The following GRIP1 variants were observed in gnomAD, a reference collection of about 807,000 sequenced individuals.
GRIP1 encodes the protein glutamate receptor interacting protein 1.
In GRIP1, 45 loss-of-function variants were observed where a neutral mutation model predicts 129.9. The observed-to-expected ratio is 0.35, with a 90% CI of 0.27 to 0.44. The LOEUF is 0.44. GRIP1 is among the 20% of genes least tolerant of loss of function. The probability of loss-of-function intolerance (pLI) is 1.00; values close to 1 mark genes in which losing one functional copy is unlikely to be tolerated. For missense variants in GRIP1, 1,196 were observed against 1,396.8 expected (o/e 0.86, Z 2.29); for synonymous variants, 530 against 520.8 (o/e 1.02, Z -0.24).
At chr12:66,518,979 C>A (rs547096444) in intron 5 of GRIP1, among the ~76,000 whole-genome samples, 1 of 152,274 alleles carries the variant, frequency 6.6e-6, no homozygotes, top group African/African-American at 2.4e-5. Flanking sequence ...CTTTGCACAT[C>A]ACCATCCTGA....
intron 1 of GRIP1, among the ~76,000 whole-genome samples, chr12:66,633,081 T>C (rs1418325265): frequency 6.6e-6 from 1 of 151,678 alleles, no homozygotes; most frequent in East Asian, 1.9e-4. Context: ...GACACAATCT[T>C]GGCTCACTGA....
At chr12:66,799,575 C>T (rs1265763223) in intron 1 of GRIP1, among the ~76,000 whole-genome samples, 1 of 152,092 alleles carries the variant, frequency 6.6e-6, no homozygotes, top group Non-Finnish European at 1.5e-5. Flanking sequence ...CTCCCCAGTT[C>T]CTTCCTCTTC....
chr12:66,905,893 T>C (rs2040923438), intron 1 of GRIP1, among the ~76,000 whole-genome samples: 1 of 152,194 alleles, frequency 6.6e-6, no homozygotes, highest in Admixed American at 6.5e-5. Flanking sequence ...AGGATAAATA[T>C]ATCCTTTTAT....
At chr12:66,999,372 C>G (rs927244248) in intron 1 of GRIP1, among the ~76,000 whole-genome samples, 7 of 152,078 alleles carry the variant, frequency 4.6e-5, no homozygotes, top group African/African-American at 1.7e-4. Flanking sequence ...GTTAGAAAAC[C>G]CTGGTGGTAG....
At chr12:66,485,501 G>A (rs2059929696) in intron 7 of GRIP1, among the ~76,000 whole-genome samples, 1 of 151,690 alleles carries the variant, frequency 6.6e-6, no homozygotes, top group Non-Finnish European at 1.5e-5. Context: ...TTGGATATGT[G>A]ATTTGCAAAT....
At chr12:66,496,461 T>A (rs1228738567) in intron 7 of GRIP1, among the ~76,000 whole-genome samples, 1 of 152,190 alleles carries the variant, frequency 6.6e-6, no homozygotes, top group Non-Finnish European at 1.5e-5. Context: ...TTATCTAAAA[T>A]AGGAGGGCTG....
intron 1 of GRIP1, among the ~76,000 whole-genome samples, chr12:66,880,218 AC>A (rs143925502): frequency 0.21 from 32,600 of 152,034 alleles, 4,154 homozygotes; most frequent in East Asian, 0.29. Flanking sequence ...AACTGAGTGC[AC>A]AAAGGAAGGA....
chr12:66,472,463 C>G lies in GRIP1; in HGVS notation c.725-7041G>C, dbSNP rs2059465246. On this transcript the variant is annotated intron_variant, in intron 7 of 24. Transcript: ENST00000359742. ...CATACTGTTTGCAACTCCTCTCTTC[C>G]TGCCCAATGAAATCTTTAATATAGT... Among the ~76,000 whole-genome samples the G allele has an allele frequency of 2.0e-5, 3 of 152,208 alleles. No homozygotes were observed. In the South Asian group the frequency reaches 6.2e-4, roughly 32 times the overall value.
At chr12:66,509,121 T>C (rs1427416825) in intron 7 of GRIP1, among the ~76,000 whole-genome samples, 1 of 152,190 alleles carries the variant, frequency 6.6e-6, no homozygotes, top group African/African-American at 2.4e-5. Context: ...TTATAGAAAA[T>C]AAAATGATCC....
At chr12:66,350,354 G>A (rs549985246) in intron 24 of GRIP1, among the ~76,000 whole-genome samples, 5 of 152,098 alleles carry the variant, frequency 3.3e-5, no homozygotes, top group Middle Eastern at 3.4e-3. Flanking sequence ...AAAATTAGCC[G>A]GGCATGGTGG....
intron 1 of GRIP1, among the ~76,000 whole-genome samples, chr12:66,955,400 T>A (rs916295773): frequency 2.6e-5 from 4 of 152,156 alleles, no homozygotes; most frequent in African/African-American, 9.7e-5. Context: ...TTAAATTATA[T>A]ACTTCCTCTT....
chr12:66,437,018 G>A (rs2058330585), intron 13 of GRIP1, among the ~76,000 whole-genome samples: 1 of 148,702 alleles, frequency 6.7e-6, no homozygotes, highest in African/African-American at 2.5e-5. Context: ...AGAGAGATTT[G>A]GGCAAAAATG....
At chr12:66,560,811 C>T (rs145168716) in intron 2 of GRIP1, among the ~76,000 whole-genome samples, 30 of 152,010 alleles carry the variant, frequency 2.0e-4, no homozygotes, top group Admixed American at 3.9e-4. Flanking sequence ...CAATCCCTAG[C>T]AGCATATACC....
At chr12:66,922,925 TAAAC>T (rs2041236782) in intron 1 of GRIP1, among the ~76,000 whole-genome samples, 1 of 152,188 alleles carries the variant, frequency 6.6e-6, no homozygotes, top group Admixed American at 6.5e-5. Context: ...CACTATACAT[TAAAC>T]AAATTCCATT....
At chr12:66,571,349 CT>C (rs760703659) in intron 2 of GRIP1, among the ~76,000 whole-genome samples, 16 of 152,168 alleles carry the variant, frequency 1.1e-4, no homozygotes, top group Admixed American at 2.0e-4. Flanking sequence ...AAAAATATGC[CT>C]GCTGAGTATC....
chr12:66,705,499 C>T (rs918478836), intron 1 of GRIP1, among the ~76,000 whole-genome samples: 1 of 152,084 alleles, frequency 6.6e-6, no homozygotes, highest in East Asian at 1.9e-4. Flanking sequence ...TTCATAGATT[C>T]AATGCTATTC....
chr12:66,464,806 C>T (rs2059234808), intron 8 of GRIP1, among the ~76,000 whole-genome samples: 1 of 145,538 alleles, frequency 6.9e-6, no homozygotes, highest in African/African-American at 2.6e-5. Context: ...CCTGTATAAA[C>T]TGGCAAGAGA....
At chr12:66,517,821 C>T in intron 6 of GRIP1, 80 bp downstream of exon 6, 1 of 791,242 alleles carries the variant, frequency 1.3e-6, no homozygotes. Flanking sequence ...TGTAAAATTT[C>T]TAATTTATCA....
chr12:66,780,034 T>C (rs1056432924), intron 1 of GRIP1, among the ~76,000 whole-genome samples: 17 of 152,152 alleles, frequency 1.1e-4, no homozygotes, highest in African/African-American at 3.6e-4. Flanking sequence ...TGGGATTTCA[T>C]TTGGGGTGTA....
Sources: allele counts gnomAD v4.1 joint callset (sites outside exome capture counted in the v4.1 genomes callset), GRCh38; gene constraint gnomAD v4.1.1; transcripts MANE v1.5; gene names NCBI Gene and HGNC (gene_info 2026-07-23, HGNC 2026-07-21).